The following CHN2 variants were observed in gnomAD, a reference collection of about 807,000 sequenced individuals.
The protein encoded by CHN2 is beta-chimaerin.
Under a neutral mutation model 56.3 loss-of-function variants are expected in CHN2, and 35 were observed. The ratio of observed to expected loss-of-function variants is 0.62; its 90% CI spans 0.47 to 0.82. CHN2 has a LOEUF of 0.82. Ranked by LOEUF, CHN2 falls within the 40% of genes least tolerant of loss-of-function variation. CHN2 has a pLI of 0.00. For missense variants in CHN2, 491 were observed against 580.5 expected, an observed-to-expected ratio of 0.85 and a Z score of 1.58; for synonymous variants, 210 against 212.8, an observed-to-expected ratio of 0.99 and a Z score of 0.12.
At position 29,301,789 on chromosome 7, in the gene CHN2, G is replaced by A. The variant is rs1398669769; in HGVS notation, c.50-52836G>A. On this transcript the variant is annotated intron_variant, in intron 1 of 12. Coordinates refer to ENST00000222792, the MANE Select transcript of CHN2 (RefSeq NM_004067.4). ...GAAGGAAGTGCTTGTTATCATGGTG[G>A]TAGATTTCCTCCCCCTTTCTCTTCA... 5.9e-5 allele frequency among the ~76,000 whole-genome samples: 9 copies of A among 152,242 alleles called. No individual in the cohort carries two copies. The East Asian group carries it at 1.7e-3, about 29-fold the overall frequency.
chr7:29,182,834 C>T (rs554533741), intron 2 of CHN2, among the ~76,000 whole-genome samples: 2 of 152,156 alleles, frequency 1.3e-5, no homozygotes, highest in Non-Finnish European at 2.9e-5. Flanking sequence ...GAGACAGCAT[C>T]CTATTGTGTT....
At chr7:29,246,098 C>T (rs1042828460) in intron 1 of CHN2, among the ~76,000 whole-genome samples, 2 of 152,150 alleles carry the variant, frequency 1.3e-5, no homozygotes, top group African/African-American at 4.8e-5. Context: ...GTCTTGGTAG[C>T]ATACCAAGGA....
At chr7:29,342,309 A>G (rs1035217233) in intron 1 of CHN2, among the ~76,000 whole-genome samples, 11 of 152,248 alleles carry the variant, frequency 7.2e-5, no homozygotes, top group African/African-American at 2.7e-4. Context: ...GAAGGGGACT[A>G]TCCCAGAATC....
intron 1 of CHN2, among the ~76,000 whole-genome samples, chr7:29,324,325 G>A (rs2128896844): frequency 6.6e-6 from 1 of 152,210 alleles, no homozygotes; most frequent in Admixed American, 6.5e-5. Flanking sequence ...CAGCCTGATG[G>A]CCTCCCATTA....
At chr7:29,199,879 A>T (rs1437685234) in intron 1 of CHN2, 1 of 152,254 alleles carries the variant, frequency 6.6e-6, no homozygotes, top group Non-Finnish European at 1.5e-5. Context: ...CTTTTGGGGA[A>T]TGTGAACACC....
upstream of CHN2, chr7:29,191,880 G>A (rs1341465746): frequency 6.6e-6 from 1 of 152,210 alleles, no homozygotes. Flanking sequence ...AGGGATGTTA[G>A]CATTTTATTT....
rs1554366762 is a variant in CHN2, at chr7:29,220,278, A to AAAAG, written c.49+25290_49+25293dup. ...GAGGGAGACCCTGTCTTAAAAAAAA[A>AAAAG]AAAGAGAGAGAGAGAGAGAGAGAAA... On this transcript the variant is annotated intron_variant, in intron 1 of 12. Coordinates refer to ENST00000222792, the MANE Select transcript of CHN2 (RefSeq NM_004067.4). Among the ~76,000 whole-genome samples the AAAAG allele has an allele frequency of 6.4e-4, 24 of 37,756 alleles. 1 individual carries two copies. The East Asian group carries it at 0.043, about 67-fold the overall frequency. 24.8% of individuals were successfully genotyped at this position (37,756 alleles called of 152,430 possible).
At chr7:29,475,996 G>C (rs1166124604) in intron 6 of CHN2, among the ~76,000 whole-genome samples, 12 of 152,132 alleles carry the variant, frequency 7.9e-5, no homozygotes, top group Admixed American at 7.9e-4. Flanking sequence ...AAATGCCATT[G>C]GATTTTACAT....
intron 2 of CHN2, among the ~76,000 whole-genome samples, chr7:29,166,789 A>G (rs1795976786): frequency 6.6e-6 from 1 of 151,964 alleles, no homozygotes; most frequent in Non-Finnish European, 1.5e-5. Flanking sequence ...TCACTCACTG[A>G]TCTCAAAAAA....
intron 1 of CHN2, among the ~76,000 whole-genome samples, chr7:29,207,404 C>T (rs1158463104): frequency 4.6e-5 from 7 of 152,116 alleles, no homozygotes; most frequent in African/African-American, 1.7e-4. Flanking sequence ...CTCTCTAGGG[C>T]TGGTTAGTTC....
intron 6 of CHN2, among the ~76,000 whole-genome samples, chr7:29,416,143 T>G (rs1032388751): frequency 1.3e-5 from 2 of 152,230 alleles, no homozygotes; most frequent in African/African-American, 2.4e-5. Flanking sequence ...AACATACACT[T>G]GGAATAAGTG....
At chr7:29,394,289 T>C (rs1173682665) in intron 4 of CHN2, among the ~76,000 whole-genome samples, 1 of 152,206 alleles carries the variant, frequency 6.6e-6, no homozygotes, top group Non-Finnish European at 1.5e-5. Flanking sequence ...CAAATACGCA[T>C]GACCATAAAA....
intron 3 of CHN2, among the ~76,000 whole-genome samples, chr7:29,384,127 G>A (rs943133641): frequency 1.3e-5 from 2 of 152,170 alleles, no homozygotes; most frequent in African/African-American, 4.8e-5. Context: ...AGGAGGCTGA[G>A]CCATTAGGTG....
At chr7:29,330,206 T>C (rs1457383395) in intron 1 of CHN2, among the ~76,000 whole-genome samples, 2 of 152,242 alleles carry the variant, frequency 1.3e-5, no homozygotes, top group Admixed American at 1.3e-4. Context: ...CATCTTGAAA[T>C]GTATTATGTT....
chr7:29,355,997 G>A (rs934662654), intron 2 of CHN2, among the ~76,000 whole-genome samples: 13 of 151,530 alleles, frequency 8.6e-5, no homozygotes, highest in East Asian at 1.9e-4. Context: ...TGCCCAGAGC[G>A]GTCTTGAACT....
chr7:29,506,768 G>A (rs1790616296), intron 10 of CHN2, among the ~76,000 whole-genome samples: 1 of 152,216 alleles, frequency 6.6e-6, no homozygotes, highest in Non-Finnish European at 1.5e-5. Context: ...AAACCCTTCA[G>A]TGAGCCTGAA....
intron 2 of CHN2, among the ~76,000 whole-genome samples, chr7:29,362,679 T>G (rs3793277): frequency 1.3e-5 from 2 of 152,202 alleles, no homozygotes; most frequent in East Asian, 3.9e-4. Flanking sequence ...TTCCTCTATC[T>G]GTAACTCTCT....
chr7:29,201,889 T>C (rs1784192747), intron 1 of CHN2, among the ~76,000 whole-genome samples: 1 of 152,194 alleles, frequency 6.6e-6, no homozygotes, highest in African/African-American at 2.4e-5. Context: ...ATTTTGCAAA[T>C]TGACTTTTTA....
chr7:29,232,644 G>T (rs765043070), intron 1 of CHN2, among the ~76,000 whole-genome samples: 1 of 148,992 alleles, frequency 6.7e-6, no homozygotes, highest in Admixed American at 6.8e-5. Flanking sequence ...CAAGAATAGC[G>T]GTGCGTCTTT....
Sources: gnomAD v4.1 joint callset for allele counts (sites outside exome capture counted in the v4.1 genomes callset) on GRCh38, gnomAD v4.1.1 for gene constraint, MANE v1.5 for transcripts, NCBI Gene and HGNC (gene_info 2026-07-23, HGNC 2026-07-21) for gene names.